Variants in FSIP2 observed in about 807,000 individuals in gnomAD.
FSIP2 encodes the protein fibrous sheath-interacting protein 2.
A neutral mutation model predicts 510.5 loss-of-function variants in FSIP2; 367 were observed. The ratio of observed to expected loss-of-function variants is 0.72; its 90% CI spans 0.66 to 0.78. The LOEUF (loss-of-function observed/expected upper bound fraction) is 0.78, where lower values mean the gene tolerates loss of function less well. Ranked by LOEUF, FSIP2 falls within the 30% of genes least tolerant of loss-of-function variation. The probability of loss-of-function intolerance (pLI) is 0.00; values close to 1 mark genes in which losing one functional copy is unlikely to be tolerated. For synonymous variants in FSIP2, 2,601 were observed against 2,732.2 expected (o/e 0.95, Z 1.50); for missense variants, 7,594 against 7,901.7 (o/e 0.96, Z 1.48).
chr2:185,772,784 A>AT (rs919492189), intron 13 of FSIP2, among the ~76,000 whole-genome samples: 2 of 149,962 alleles, frequency 1.3e-5, no homozygotes, highest in African/African-American at 2.5e-5. Context: ...TGAGTTTAGA[A>AT]TTTTTTTTAG....
intron 1 of FSIP2, 124 bp downstream of exon 1, chr2:185,739,117 C>G: frequency 1.5e-6 from 2 of 1,307,326 alleles, no homozygotes; most frequent in Non-Finnish European, 2.0e-6. Flanking sequence ...AGGCTGCCCT[C>G]TTGCGGCGCC....
rs1324016132 is a variant in FSIP2, at chr2:185,796,535, T to C, written c.9399T>C (p.Asn3133=). The C allele has an allele frequency of 2.6e-6, 4 of 1,535,128 alleles. No homozygotes were observed. The Admixed American group carries it at 5.9e-5, about 23-fold the overall frequency. The stretch of plus-strand genomic sequence containing the variant: ...TAATGGACCAGTGTACTTATTTCAA[T>C]GAGTCTTTGATACAAAACCTTTCAA... ...GTLMDQCTYF[N]ESLIQNLSRE... is the part of the protein sequence containing the mutation. Residue 3133 remains asparagine (N), a synonymous_variant, in exon 16 of 23, where the codon AAT becomes AAC. Coordinates refer to ENST00000424728, the MANE Select transcript of FSIP2 (RefSeq NM_173651.4).
intron 20 of FSIP2, among the ~76,000 whole-genome samples, chr2:185,826,572 C>G (rs1262715964): frequency 6.6e-6 from 1 of 151,702 alleles, no homozygotes; most frequent in African/African-American, 2.4e-5. Flanking sequence ...GCTACCTATC[C>G]CAGTTCTTTG....
chr2:185,804,633 T>G lies in FSIP2; in HGVS notation c.15327T>G (p.Tyr5109Ter). 1 of 1,533,330 alleles carries G rather than the reference T, an allele frequency of 6.5e-7. No individual in the cohort carries two copies. The highest frequency in any genetic ancestry group is 8.7e-7 in the Non-Finnish European group (1 of 1,144,920). The allele number at this position is 1,533,330 out of a possible 1,614,324, so 95.0% of individuals were successfully genotyped here. ...AGGATAGCCATGCCTTGCCACCATA[T>G]ATTACTGTGTTGCCTCATTCTCTTT... ...ITKDSHALPPYITVLPHSLLE... is the reference protein window; with the variant it reads ...ITKDSHALPP The change falls in exon 17 of 23, where the codon TAT (tyrosine) becomes TAG (stop). Residue 5109 changes from tyrosine (Y) to a stop codon, truncating the protein, a stop_gained. Coordinates refer to ENST00000424728, the MANE Select transcript of FSIP2 (RefSeq NM_173651.4). LOFTEE classifies it high-confidence loss of function.
In FSIP2 at chr2:185,796,871, A is replaced by G. The variant is rs1693296606; in HGVS notation, c.9735A>G (p.Arg3245=). 2 of 1,534,982 alleles carry G rather than the reference A, an allele frequency of 1.3e-6. No homozygotes were observed. Among genetic ancestry groups the G allele is most frequent in the African/African-American group, 2.7e-5 (2 of 72,938 alleles). ...CTAGAAACAAAGTACAAGACCACAGACCAAGGGAATCTAACTTTGGTAGTT... is the reference window on the plus strand; with the variant it reads ...CTAGAAACAAAGTACAAGACCACAGGCCAAGGGAATCTAACTTTGGTAGTT... ...CSTRNKVQDH[R]PRESNFGSFD... Residue 3245 remains arginine, a synonymous_variant, in exon 16 of 23, where the codon AGA becomes AGG. Coordinates refer to ENST00000424728, the MANE Select transcript of FSIP2 (RefSeq NM_173651.4).
rs920418851 is a variant in FSIP2 at position 185,782,641 on chromosome 2, T to C, written c.1412-64T>C. 5.5e-5 allele frequency: 51 copies of C among 925,646 alleles called. No homozygotes were observed. In the Middle Eastern group the frequency reaches 3.1e-3, roughly 57 times the overall value. The allele number at this position is 925,646 out of a possible 1,614,324, so 57.3% of individuals were successfully genotyped here. On this transcript the variant is annotated intron_variant, in intron 13 of 22. Transcript: ENST00000424728. ...CAGAAAATAAATACCTACTGGAGGA[T>C]TACCATTTAGCAAGTTGCTGAGGAT...
chr2:185,767,820 G>T (rs1330726326), intron 13 of FSIP2, among the ~76,000 whole-genome samples: 1 of 152,112 alleles, frequency 6.6e-6, no homozygotes, highest in East Asian at 1.9e-4. Flanking sequence ...GTAAACATGA[G>T]AGTGCAGATA....
rs1222110272 is a variant in FSIP2, at chr2:185,802,927, C to G, written c.13621C>G (p.Gln4541Glu). The change falls in exon 17 of 23, where the codon CAG becomes GAG. Residue 4541 changes from glutamine (Q) to glutamate (E), a missense_variant. Transcript: ENST00000424728. The part of the protein sequence containing the change: ...TKFIYSEDDI[Q>E]HLVDSVFANV... The stretch of plus-strand genomic sequence containing the variant: ...GTTTATTTATTCAGAAGATGATATT[C>G]AGCACCTTGTTGATTCAGTATTTGC... 6.6e-7 allele frequency: 1 copy of G among 1,509,898 alleles called. No individual in the cohort carries two copies. Among genetic ancestry groups the G allele is most frequent in the African/African-American group, 1.4e-5 (1 of 71,464 alleles). 93.5% of individuals were successfully genotyped at this position (1,509,898 alleles called of 1,614,324 possible). A position where few individuals can be genotyped will look rare whatever the true frequency, so the allele number is the denominator to read the frequency against.
intron 13 of FSIP2, chr2:185,764,782 G>C (rs1023827886): frequency 4.4e-6 from 2 of 450,406 alleles, no homozygotes; most frequent in Non-Finnish European, 7.9e-6. Flanking sequence ...ATGTGTAAAA[G>C]CTGGGAAAGT....
At chr2:185,739,875 C>T (rs750170018) in intron 2 of FSIP2, among the ~76,000 whole-genome samples, 14 of 151,720 alleles carry the variant, frequency 9.2e-5, no homozygotes, top group African/African-American at 2.4e-4. Flanking sequence ...ACTCTCTTCA[C>T]GGGAAACATT....
intron 19 of FSIP2, among the ~76,000 whole-genome samples, chr2:185,816,426 A>G (rs1693827409): frequency 6.6e-6 from 1 of 152,050 alleles, no homozygotes; most frequent in Admixed American, 6.6e-5. Flanking sequence ...AGATAATACC[A>G]GGAAGCTCAA....
At position 185,790,191 on chromosome 2, in the gene FSIP2, A is replaced by G. The variant is rs1038799496; in HGVS notation, c.3055A>G (p.Thr1019Ala). ...TATTGTAAAAAATGTGCTTGATTCA[A>G]CTTTCAAAGATGAAAAAGTAAAATC... ...DNIVKNVLDS[T>A]FKDEKVKSQE... Residue 1019 changes from threonine to alanine, a missense_variant, in exon 16 of 23, where the codon ACT (threonine) becomes GCT (alanine). Thr to Ala is a moderately conservative substitution (Grantham distance 58). Coordinates refer to ENST00000424728, the MANE Select transcript of FSIP2 (RefSeq NM_173651.4). 3.3e-5 allele frequency: 50 copies of G among 1,531,350 alleles called. No individual in the cohort carries two copies. The highest frequency in any genetic ancestry group is 3.8e-5 in the Non-Finnish European group (43 of 1,144,828). The allele number at this position is 1,531,350 out of a possible 1,614,324, so 94.9% of individuals were successfully genotyped here.
In FSIP2 at chr2:185,800,055, T is replaced by C; in HGVS notation, c.10749T>C (p.Val3583=). 1 of 1,530,804 alleles carries C rather than the reference T, an allele frequency of 6.5e-7. No individual in the cohort carries two copies. Among genetic ancestry groups the C allele is most frequent in the Non-Finnish European group, 8.7e-7 (1 of 1,143,158 alleles). The allele number at this position is 1,530,804 out of a possible 1,614,324, so 94.8% of individuals were successfully genotyped here. Reference sequence around the variant, plus strand: ...AGGCTGACATTGCACAGAAAATGGTTGCCATACCTACAAAATACACTTACT... The same window carrying C: ...AGGCTGACATTGCACAGAAAATGGTCGCCATACCTACAAAATACACTTACT... ...IIQADIAQKM[V]AIPTKYTYCP... is the part of the protein sequence containing the mutation. Residue 3583 remains valine (V), a synonymous_variant, in exon 17 of 23, where the codon GTT becomes GTC. Coordinates refer to ENST00000424728, the MANE Select transcript of FSIP2 (RefSeq NM_173651.4).
Position 185,796,473 on chromosome 2 carries a change from A to G in FSIP2, c.9337A>G (p.Lys3113Glu), listed in dbSNP as rs1693281485. 2 of 1,535,116 alleles carry G rather than the reference A, an allele frequency of 1.3e-6. No individual in the cohort carries two copies. Among genetic ancestry groups the G allele is most frequent in the East Asian group, 4.9e-5 (2 of 40,842 alleles). ...QMEPSSISIL[K>E]ENIVASEIIG... ...GGAACCATCTTCAATTAGCATATTG[A>G]AAGAGAACATTGTAGCAAGTGAGAT... The change falls in exon 16 of 23, where the codon AAA becomes GAA. Residue 3113 changes from lysine to glutamate, a missense_variant. Coordinates refer to ENST00000424728, the MANE Select transcript of FSIP2 (RefSeq NM_173651.4).
At chr2:185,778,150 T>G (rs1447924266) in intron 13 of FSIP2, among the ~76,000 whole-genome samples, 1 of 152,012 alleles carries the variant, frequency 6.6e-6, no homozygotes, top group Non-Finnish European at 1.5e-5. Context: ...TCCTATTTAT[T>G]TAGATGAGAT....
rs1442810685 is a variant in FSIP2 at position 185,833,249 on chromosome 2, A to G, written c.*23A>G. 2 of 1,573,994 alleles carry G rather than the reference A, an allele frequency of 1.3e-6. No homozygotes were observed. Among genetic ancestry groups the G allele is most frequent in the Non-Finnish European group, 1.7e-6 (2 of 1,158,688 alleles). On this transcript the variant is annotated 3_prime_UTR_variant, in exon 23 of 23. Transcript: ENST00000424728. ...TGAAGCTTTTGTACCTGATATAAGT[A>G]TGCTTACTTCTTTTAGAAAATAAAA...
intron 9 of FSIP2, among the ~76,000 whole-genome samples, chr2:185,760,494 T>C (rs1434851534): frequency 6.8e-6 from 1 of 147,116 alleles, no homozygotes; most frequent in Non-Finnish European, 1.5e-5. Flanking sequence ...TAAAATAAAA[T>C]TTATATTTAT....
At chr2:185,785,938 T>C (rs572697233) in intron 14 of FSIP2, among the ~76,000 whole-genome samples, 42 of 152,058 alleles carry the variant, frequency 2.8e-4, no homozygotes, top group African/African-American at 9.9e-4. Flanking sequence ...GCAAATCCTA[T>C]ATCCATTTTC....
At position 185,807,715 on chromosome 2, in the gene FSIP2, G is replaced by C; in HGVS notation, c.18409G>C (p.Glu6137Gln). The C allele has an allele frequency of 6.2e-7, 1 of 1,612,658 alleles. No individual in the cohort carries two copies. Residue 6137 changes from glutamate (E) to glutamine (Q), a missense_variant, in exon 17 of 23, where the codon GAG becomes CAG. Coordinates refer to ENST00000424728, the MANE Select transcript of FSIP2 (RefSeq NM_173651.4). ...SNQLQSYFCG[E>Q]LTPHQCVEVE... Reference sequence around the variant, plus strand: ...TCAGCTGCAGAGCTATTTTTGTGGAGAGCTAACTCCACATCAGTGTGTGGA... The same window carrying C: ...TCAGCTGCAGAGCTATTTTTGTGGACAGCTAACTCCACATCAGTGTGTGGA...
Sources: gnomAD v4.1 joint callset for allele counts (sites outside exome capture counted in the v4.1 genomes callset) on GRCh38, gnomAD v4.1.1 for gene constraint, MANE v1.5 for transcripts, NCBI Gene and HGNC (gene_info 2026-07-23, HGNC 2026-07-21) for gene names.